The following CLEC4C variants were observed in gnomAD, a reference collection of about 807,000 sequenced individuals.
CLEC4C encodes the protein C-type (calcium dependent, carbohydrate-recognition domain) lectin, superfamily member 11.
Under a neutral mutation model 27.7 loss-of-function variants are expected in CLEC4C, and 17 were observed. That is an observed-to-expected ratio of 0.61 (90% CI 0.42 to 0.92). The LOEUF (loss-of-function observed/expected upper bound fraction) is 0.92, where lower values mean the gene tolerates loss of function less well. CLEC4C is among the 40% of genes least tolerant of loss of function. The pLI, the probability that CLEC4C is intolerant of heterozygous loss-of-function variation, is 0.00. For missense variants in CLEC4C, 244 were observed against 257.3 expected (o/e 0.95, Z 0.35); for synonymous variants, 80 against 80.8 (o/e 0.99, Z 0.06).
At chr12:7,739,061 CTT>C (rs1864793772) in intron 3 of CLEC4C, among the ~76,000 whole-genome samples, 3 of 149,398 alleles carry the variant, frequency 2.0e-5, no homozygotes, top group African/African-American at 7.4e-5. Flanking sequence ...AAAAGAAACT[CTT>C]GTCATCTTTT....
Position 7,729,419 on chromosome 12 carries a change from AATAAAT to A in CLEC4C, c.*171_*176del, listed in dbSNP as rs1277862105. ...CACTCATTTTATGAATGAATAAATG[AATAAAT>A]GAATAAATGAATGTGTGAATGGATT... On this transcript the variant is annotated 3_prime_UTR_variant, in exon 6 of 6. Transcript: ENST00000360345. 3 of 576,530 alleles carry A rather than the reference AATAAAT, an allele frequency of 5.2e-6. No homozygotes were observed. In the African/African-American group the frequency reaches 5.7e-5, roughly 11 times the overall value. The allele number at this position is 576,530 out of a possible 1,614,324, so 35.7% of individuals were successfully genotyped here. A position where few individuals can be genotyped will look rare whatever the true frequency, so the allele number is the denominator to read the frequency against.
rs770616642 is a variant in CLEC4C at position 7,747,220 on chromosome 12, A to T, written c.31+98T>A. 5.6e-4 allele frequency: 569 copies of T among 1,015,366 alleles called. 7 individuals are homozygous for T. The South Asian group carries it at 6.7e-3, about 12-fold the overall frequency. The allele number at this position is 1,015,366 out of a possible 1,614,324, so 62.9% of individuals were successfully genotyped here. A position where few individuals can be genotyped will look rare whatever the true frequency, so the allele number is the denominator to read the frequency against. ...TACTATTATTTATGAAAAGCTGTCT[A>T]CTTCTTCTTCCAAAGTCATCCCTAT... On this transcript the variant is annotated intron_variant, in intron 1 of 5. Coordinates refer to ENST00000360345, the MANE Select transcript of CLEC4C (RefSeq NM_001371390.1).
intron 2 of CLEC4C, among the ~76,000 whole-genome samples, chr12:7,744,353 A>G (rs1300891007): frequency 4.6e-5 from 7 of 152,232 alleles, no homozygotes; most frequent in Admixed American, 3.9e-4. Flanking sequence ...ATTTACAACT[A>G]GAAAGAAACT....
chr12:7,744,011 G>T (rs1278365090), intron 2 of CLEC4C, among the ~76,000 whole-genome samples: 1 of 152,138 alleles, frequency 6.6e-6, no homozygotes, highest in African/African-American at 2.4e-5. Context: ...GCAAGAGAGA[G>T]TGAGGGGGAG....
intron 4 of CLEC4C, among the ~76,000 whole-genome samples, chr12:7,734,929 G>T (rs556129677): frequency 4.4e-4 from 67 of 152,164 alleles, no homozygotes; most frequent in Non-Finnish European, 6.2e-4. Context: ...GGCCAGGCAT[G>T]GTGTCTCAGG....
chr12:7,730,715 T>C lies in CLEC4C; in HGVS notation c.497+82A>G, dbSNP rs746756283. The C allele has an allele frequency of 4.5e-5, 32 of 707,458 alleles. No individual in the cohort carries two copies. The South Asian group carries it at 5.4e-4, about 12-fold the overall frequency. 43.8% of individuals were successfully genotyped at this position (707,458 alleles called of 1,614,324 possible). A position where few individuals can be genotyped will look rare whatever the true frequency, so the allele number is the denominator to read the frequency against. On this transcript the variant is annotated intron_variant, in intron 5 of 5. Coordinates refer to ENST00000360345, the MANE Select transcript of CLEC4C (RefSeq NM_001371390.1). ...TTAAAAAGTGTTGTGGGTTTTATTG[T>C]TTGTTTGCTTAATAGCTGATGGAAC...
intron 2 of CLEC4C, among the ~76,000 whole-genome samples, chr12:7,743,445 C>T (rs1482106837): frequency 6.6e-6 from 1 of 150,638 alleles, no homozygotes; most frequent in Non-Finnish European, 1.5e-5. Context: ...AGTGCAGTGG[C>T]GCGATCTTGG....
chr12:7,730,711 ATTGT>A, intron 5 of CLEC4C, 82 bp downstream of exon 5: 3 of 635,164 alleles, frequency 4.7e-6, no homozygotes, highest in South Asian at 3.6e-5. Flanking sequence ...TGTGGGTTTT[ATTGT>A]TTGTTTGCTT....
chr12:7,733,543 G>A (rs1415710797), intron 4 of CLEC4C, among the ~76,000 whole-genome samples: 3 of 147,722 alleles, frequency 2.0e-5, no homozygotes, highest in African/African-American at 2.5e-5. Flanking sequence ...GTGCAGTGGC[G>A]AGATCTTGGC....
intron 4 of CLEC4C, among the ~76,000 whole-genome samples, chr12:7,734,852 A>G (rs1284406691): frequency 1.3e-5 from 2 of 152,014 alleles, no homozygotes; most frequent in Non-Finnish European, 2.9e-5. Context: ...CTGGCCTCCA[A>G]TTATTTTTAT....
At position 7,741,470 on chromosome 12, in the gene CLEC4C, T is replaced by C; in HGVS notation, c.186A>G (p.Gln62=). 6.2e-7 allele frequency: 1 copy of C among 1,613,056 alleles called. No individual in the cohort carries two copies. Residue 62 remains glutamine, a synonymous_variant, in exon 3 of 6, where the codon CAA becomes CAG. Transcript: ENST00000360345. ...CGCAGGTCAGGCTTGGATGATACTGTTGATACTCTCGTAACTTGGACAGCC... is the reference window on the plus strand; with the variant it reads ...CGCAGGTCAGGCTTGGATGATACTGCTGATACTCTCGTAACTTGGACAGCC... The part of the protein sequence containing the change: ...VKRLSKLREY[Q]QYHPSLTCVM...
intron 2 of CLEC4C, among the ~76,000 whole-genome samples, chr12:7,742,742 G>A (rs1384116715): frequency 3.3e-5 from 5 of 151,536 alleles, no homozygotes; most frequent in Admixed American, 2.0e-4. Context: ...CCTGGGAGGC[G>A]AAGGTTGCAG....
At chr12:7,740,177 CT>C (rs1403701155) in intron 3 of CLEC4C, among the ~76,000 whole-genome samples, 1 of 151,446 alleles carries the variant, frequency 6.6e-6, no homozygotes, top group Non-Finnish European at 1.5e-5. Flanking sequence ...GAGGTCCCAT[CT>C]TGTTTCCCAG....
At chr12:7,747,434 G>T, upstream of CLEC4C, 1 of 1,408,514 alleles carries the variant, frequency 7.1e-7, no homozygotes, top group Non-Finnish European at 1.0e-6. Flanking sequence ...TTACTTTCGG[G>T]GTGTGGTTCT....
rs760972796 is a variant in CLEC4C, at chr12:7,729,641, A to G, written c.597T>C (p.His199=). ...TCTTGCAAATTGACTTCTGAGGTAC[A>G]TGACAGTGAATGTCATTCCAGCCCC... The part of the protein sequence containing the change: ...EEWGWNDIHC[H]VPQKSICKMK... The change falls in exon 6 of 6, where the codon CAT becomes CAC. Residue 199 remains histidine, a synonymous_variant. Transcript: ENST00000360345. 1.2e-6 allele frequency: 2 copies of G among 1,613,834 alleles called. No individual in the cohort carries two copies. The highest frequency in any genetic ancestry group is 2.2e-5 in the East Asian group (1 of 44,890).
chr12:7,736,761 T>C (rs1447259608), intron 4 of CLEC4C, among the ~76,000 whole-genome samples: 1 of 151,910 alleles, frequency 6.6e-6, no homozygotes, highest in Non-Finnish European at 1.5e-5. Flanking sequence ...ACAAAAAAAT[T>C]AGCCGGGCGT....
At chr12:7,741,400 T>C (rs370370209) in intron 3 of CLEC4C, 21 bp downstream of exon 3, 2 of 1,272,194 alleles carry the variant, frequency 1.6e-6, no homozygotes, top group African/African-American at 2.9e-5. Context: ...GGAAGTCTTG[T>C]TGCCCATTGC....
intron 3 of CLEC4C, among the ~76,000 whole-genome samples, chr12:7,738,729 T>G (rs1864782842): frequency 6.6e-6 from 1 of 152,134 alleles, no homozygotes; most frequent in Non-Finnish European, 1.5e-5. Context: ...CTGGAACTCC[T>G]GGGATCAAGT....
intron 3 of CLEC4C, 110 bp downstream of exon 3, chr12:7,741,311 T>C: frequency 1.5e-6 from 1 of 683,552 alleles, no homozygotes; most frequent in Non-Finnish European, 2.7e-6. Flanking sequence ...AAGAATGCAG[T>C]AGGAAAAACC....
Sources: allele counts gnomAD v4.1 joint callset (sites outside exome capture counted in the v4.1 genomes callset), GRCh38; gene constraint gnomAD v4.1.1; transcripts MANE v1.5; gene names NCBI Gene and HGNC (gene_info 2026-07-23, HGNC 2026-07-21).